The following RTN4IP1 variants were observed in gnomAD, a reference collection of about 807,000 sequenced individuals.
RTN4IP1 encodes reticulon 4 interacting protein 1, also known as NAD(P)H oxidoreductase RTN4IP1, mitochondrial.
In RTN4IP1, 32 loss-of-function variants were observed where a neutral mutation model predicts 46.6. The observed-to-expected ratio is 0.69, with a 90% CI of 0.52 to 0.92. The LOEUF (loss-of-function observed/expected upper bound fraction) is 0.92, where lower values mean the gene tolerates loss of function less well. Among genes scored for constraint, RTN4IP1 ranks in the 40% least tolerant of loss-of-function variants. The pLI is 0.00. For missense variants in RTN4IP1, 424 were observed against 485.8 expected, an observed-to-expected ratio of 0.87 and a Z score of 1.20; for synonymous variants, 167 against 161.8, an observed-to-expected ratio of 1.03 and a Z score of -0.24.
intron 5 of RTN4IP1, among the ~76,000 whole-genome samples, chr6:106,595,500 C>CT (rs35264522): frequency 1.1e-3 from 141 of 125,892 alleles, no homozygotes; most frequent in South Asian, 3.3e-3. Context: ...TACTTTCTTT[C>CT]TTTTTTTTTT....
intron 6 of RTN4IP1, among the ~76,000 whole-genome samples, chr6:106,591,645 A>G (rs1359943275): frequency 6.6e-6 from 1 of 152,130 alleles, no homozygotes; most frequent in East Asian, 1.9e-4. Flanking sequence ...ATGACCCAAG[A>G]GAATTCCTGA....
Position 106,615,801 on chromosome 6 carries a change from A to T in RTN4IP1, c.620+3401T>A, listed in dbSNP as rs1464995620. On this transcript the variant is annotated intron_variant, in intron 4 of 8. Transcript: ENST00000369063. Reference sequence around the variant, plus strand: ...AAATATCCGGTTGTAACAACTTTTTAAAAAAATTTCTACTTATCTTGAGAG... The same window carrying T: ...AAATATCCGGTTGTAACAACTTTTTTAAAAAATTTCTACTTATCTTGAGAG... Among the ~76,000 whole-genome samples the T allele has an allele frequency of 9.8e-5, 15 of 152,360 alleles. No individual in the cohort carries two copies. In the East Asian group the frequency reaches 1.2e-3, roughly 12 times the overall value.
rs59632659 is a variant in RTN4IP1 at position 106,587,135 on chromosome 6, C to T, written c.990+544G>A. On this transcript the variant is annotated intron_variant, in intron 7 of 8. Transcript: ENST00000369063. ...AGTACAACTTGTTTTACTCATAGACCTCTAAATGTCTGAAAGCCCCAGTCT... is the reference window on the plus strand; with the variant it reads ...AGTACAACTTGTTTTACTCATAGACTTCTAAATGTCTGAAAGCCCCAGTCT... Among the ~76,000 whole-genome samples, 440 of 152,326 alleles carry T rather than the reference C, an allele frequency of 2.9e-3. 3 individuals are homozygous for T. Among genetic ancestry groups the T allele is most frequent in the African/African-American group, 0.01 (428 of 41,578 alleles).
Position 106,605,816 on chromosome 6 carries a change from C to CAAAAAAAAAAAAAAAAAAAAAAAAAAAA in RTN4IP1, c.621-2922_621-2895dup, listed in dbSNP as rs60568175. On this transcript the variant is annotated intron_variant, in intron 4 of 8. Coordinates refer to ENST00000369063, the MANE Select transcript of RTN4IP1 (RefSeq NM_032730.5). ...TGGGCGACAGAGCAAGACTCTGTCC[C>CAAAAAAAAAAAAAAAAAAAAAAAAAAAA]AAAAAAAAAAAAAAAAAAAAAAAAA... Among the ~76,000 whole-genome samples, 2 of 4,496 alleles carry CAAAAAAAAAAAAAAAAAAAAAAAAAAAA rather than the reference C, an allele frequency of 4.4e-4. 1 individual carries two copies. Among genetic ancestry groups the CAAAAAAAAAAAAAAAAAAAAAAAAAAAA allele is most frequent in the African/African-American group, 1.2e-3 (2 of 1,696 alleles). The allele number at this position is 4,496 out of a possible 152,430, so 2.9% of individuals were successfully genotyped here. A position where few individuals can be genotyped will look rare whatever the true frequency, so the allele number is the denominator to read the frequency against.
intron 6 of RTN4IP1, among the ~76,000 whole-genome samples, 198 bp downstream of exon 6, chr6:106,591,966 C>T (rs1291872947): frequency 6.6e-6 from 1 of 152,152 alleles, no homozygotes; most frequent in African/African-American, 2.4e-5. Flanking sequence ...CAGTGCCTAT[C>T]CACATGCTGT....
intron 8 of RTN4IP1, among the ~76,000 whole-genome samples, chr6:106,573,010 C>T (rs1291354377): frequency 5.3e-5 from 8 of 152,174 alleles, no homozygotes; most frequent in Admixed American, 3.3e-4. Context: ...GAATACTTGG[C>T]CCAGGCTGGA....
intron 1 of RTN4IP1, among the ~76,000 whole-genome samples, chr6:106,627,743 C>CTTTTTT (rs759953237): frequency 1.9e-4 from 10 of 52,990 alleles, no homozygotes; most frequent in Non-Finnish European, 2.7e-4. Context: ...CATTTCAATG[C>CTTTTTT]TTTTTTTTTT....
In RTN4IP1 at chr6:106,602,879, T is replaced by G. The variant is rs776591189; in HGVS notation, c.664A>C (p.Ile222Leu). Residue 222 changes from isoleucine to leucine, a missense_variant, in exon 5 of 9, where the codon ATA becomes CTA. Ile to Leu is a conservative substitution (Grantham distance 5, BLOSUM62 2). Transcript: ENST00000369063. ...GASGGVGTFA[I>L]QVMKAWDAHV... ...AGATTAAAAAATGGTTTTACCTGTA[T>G]AGCAAAAGTACCAACTCCGCCTGAA... 4 of 1,601,384 alleles carry G rather than the reference T, an allele frequency of 2.5e-6. No individual in the cohort carries two copies. The highest frequency in any genetic ancestry group is 1.7e-4 in the Middle Eastern group (1 of 6,016).
At chr6:106,611,093 C>T (rs1479128703) in intron 4 of RTN4IP1, among the ~76,000 whole-genome samples, 2 of 151,662 alleles carry the variant, frequency 1.3e-5, no homozygotes, top group African/African-American at 2.4e-5. Context: ...AACAGCAAGA[C>T]ATCCAGAAGT....
chr6:106,615,344 A>G lies in RTN4IP1; in HGVS notation c.620+3858T>C, dbSNP rs147238058. Reference sequence around the variant, plus strand: ...GGGCCTAATTCTATAATTCTATATCAGAATTAATCAGACACCTAATTTACA... The same window carrying G: ...GGGCCTAATTCTATAATTCTATATCGGAATTAATCAGACACCTAATTTACA... On this transcript the variant is annotated intron_variant, in intron 4 of 8. Transcript: ENST00000369063. Among the ~76,000 whole-genome samples, 259 of 152,294 alleles carry G rather than the reference A, an allele frequency of 1.7e-3. 1 individual carries two copies. The highest frequency in any genetic ancestry group is 6.0e-3 in the African/African-American group (249 of 41,552).
Position 106,619,270 on chromosome 6 carries a change from C to T in RTN4IP1, c.552G>A (p.Val184=). The stretch of plus-strand genomic sequence containing the variant: ...TTATAGCAGACCAGGCTGTGAGAGC[C>T]ACATATGGCAAAGAGGCAGCTTGAG... ...THTQAASLPY[V]ALTAWSAINK... is the part of the protein sequence containing the mutation. The change falls in exon 4 of 9, where the codon GTG becomes GTA. Residue 184 remains valine, a synonymous_variant. Transcript: ENST00000369063. 6.2e-7 allele frequency: 1 copy of T among 1,614,146 alleles called. No homozygotes were observed.
intron 4 of RTN4IP1, among the ~76,000 whole-genome samples, chr6:106,605,468 G>A (rs1052383292): frequency 2.0e-5 from 3 of 150,320 alleles, no homozygotes; most frequent in South Asian, 2.1e-4. Context: ...AAACTACAGC[G>A]TAAGCCACTG....
chr6:106,606,502 C>T (rs1776078673), intron 4 of RTN4IP1, among the ~76,000 whole-genome samples: 1 of 151,914 alleles, frequency 6.6e-6, no homozygotes, highest in South Asian at 2.1e-4. Flanking sequence ...AATGAACTAG[C>T]TGAAAAAGAA....
rs777091391 is a variant in RTN4IP1, at chr6:106,619,308, A to G, written c.514T>C (p.Ser172Pro). 6.2e-7 allele frequency: 1 copy of G among 1,614,044 alleles called. No homozygotes were observed. Among genetic ancestry groups the G allele is most frequent in the East Asian group, 2.2e-5 (1 of 44,882 alleles). ...GAGGCAGCTTGAGTATGAGTGAGTG[A>G]TTTGGGTTTGTGAGAGACCTACATT... is the stretch of plus-strand genomic sequence containing the variant. ...SGNEVSHKPK[S>P]LTHTQAASLP... Residue 172 changes from serine (S) to proline (P), a missense_variant, in exon 4 of 9, where the codon TCA becomes CCA. Physicochemically the swap from Ser to Pro is moderately conservative, Grantham distance 74. Coordinates refer to ENST00000369063, the MANE Select transcript of RTN4IP1 (RefSeq NM_032730.5).
rs187339238 is a variant in RTN4IP1 at position 106,590,606 on chromosome 6, T to C, written c.806+1558A>G. The stretch of plus-strand genomic sequence containing the variant: ...GGCGCACACCTGTAATCCCAGCTAC[T>C]TGGGGGGCTGAGGCAGGAAAATCAC... On this transcript the variant is annotated intron_variant, in intron 6 of 8. Transcript: ENST00000369063. Among the ~76,000 whole-genome samples, 989 of 143,046 alleles carry C rather than the reference T, an allele frequency of 6.9e-3. 8 individuals are homozygous for C. Among genetic ancestry groups the C allele is most frequent in the Middle Eastern group, 0.016 (4 of 244 alleles). The allele number at this position is 143,046 out of a possible 152,430, so 93.8% of individuals were successfully genotyped here. A position where few individuals can be genotyped will look rare whatever the true frequency, so the allele number is the denominator to read the frequency against.
chr6:106,629,531 C>A, upstream of RTN4IP1: 1 of 1,008,598 alleles, frequency 9.9e-7, no homozygotes, highest in Non-Finnish European at 1.4e-6. Flanking sequence ...AGATCATTTC[C>A]TCGGGCTGCA....
chr6:106,586,275 T>C (rs57227217), intron 7 of RTN4IP1, among the ~76,000 whole-genome samples: 2,861 of 152,250 alleles, frequency 0.019, 71 homozygotes, highest in African/African-American at 0.067. Flanking sequence ...TGGGTCAGCG[T>C]TGGTCGGACT....
At chr6:106,582,095 T>C (rs930854139) in intron 8 of RTN4IP1, among the ~76,000 whole-genome samples, 9 of 152,192 alleles carry the variant, frequency 5.9e-5, no homozygotes, top group African/African-American at 2.2e-4. Flanking sequence ...AAAAGACACA[T>C]AAGCCTGGAA....
At chr6:106,606,631 G>A (rs983272137) in intron 4 of RTN4IP1, among the ~76,000 whole-genome samples, 2 of 151,970 alleles carry the variant, frequency 1.3e-5, no homozygotes, top group Admixed American at 1.3e-4. Context: ...AGAGGGCTAG[G>A]CACGGTGGCT....
Sources: gnomAD v4.1 joint callset for allele counts (sites outside exome capture counted in the v4.1 genomes callset) on GRCh38, gnomAD v4.1.1 for gene constraint, MANE v1.5 for transcripts, NCBI Gene and HGNC (gene_info 2026-07-23, HGNC 2026-07-21) for gene names.